The following CYP27C1 variants were observed in gnomAD, a reference collection of about 807,000 sequenced individuals.
The protein encoded by CYP27C1 is cytochrome P450 27C1.
CYP27C1 carries 29 observed loss-of-function variants against 40.6 expected under a neutral mutation model. The observed-to-expected ratio is 0.71, with a 90% CI of 0.53 to 0.97. CYP27C1 has a LOEUF of 0.97. CYP27C1 is among the 50% of genes least tolerant of loss of function. The probability of loss-of-function intolerance (pLI) is 0.00; values close to 1 mark genes in which losing one functional copy is unlikely to be tolerated. For missense variants in CYP27C1, 390 were observed against 485.8 expected (o/e 0.80, Z 1.85); for synonymous variants, 198 against 186.8 (o/e 1.06, Z -0.49).
At chr2:127,194,792 A>G (rs1682864250) in intron 6 of CYP27C1, among the ~76,000 whole-genome samples, 1 of 151,930 alleles carries the variant, frequency 6.6e-6, no homozygotes, top group Non-Finnish European at 1.5e-5. Context: ...CAGTAAGCCA[A>G]TTGGCTAAAG....
intron 8 of CYP27C1, among the ~76,000 whole-genome samples, chr2:127,190,604 T>A (rs1266747594): frequency 6.7e-6 from 1 of 149,888 alleles, no homozygotes; most frequent in Non-Finnish European, 1.5e-5. Context: ...CCTCCCAAAG[T>A]GCTGGGATTA....
Position 127,187,117 on chromosome 2 carries a change from G to T in CYP27C1, c.*154C>A. 1 of 676,246 alleles carries T rather than the reference G, an allele frequency of 1.5e-6. No individual in the cohort carries two copies. Among genetic ancestry groups the T allele is most frequent in the Non-Finnish European group, 2.6e-6 (1 of 380,458 alleles). The allele number at this position is 676,246 out of a possible 1,614,324, so 41.9% of individuals were successfully genotyped here. On this transcript the variant is annotated 3_prime_UTR_variant, in exon 9 of 9. Transcript: ENST00000664447. ...ACCTTTTTACATTACTTTGCATAAAGATTTACAAGTGTCCCAGGACCTGGG... is the reference window on the plus strand; with the variant it reads ...ACCTTTTTACATTACTTTGCATAAATATTTACAAGTGTCCCAGGACCTGGG...
intron 3 of CYP27C1, among the ~76,000 whole-genome samples, chr2:127,202,424 C>T (rs1683056547): frequency 6.6e-6 from 1 of 152,216 alleles, no homozygotes; most frequent in African/African-American, 2.4e-5. Context: ...CCGCACCCAG[C>T]CCCAAGATGC....
intron 1 of CYP27C1, among the ~76,000 whole-genome samples, chr2:127,216,803 G>C (rs990431083): frequency 5.9e-5 from 9 of 152,124 alleles, no homozygotes; most frequent in Non-Finnish European, 7.4e-5. Flanking sequence ...GACAGGGCTG[G>C]GCTGGGGAAA....
intron 1 of CYP27C1, among the ~76,000 whole-genome samples, chr2:127,211,385 T>G (rs201363028): frequency 0.055 from 3,358 of 61,342 alleles, 126 homozygotes; most frequent in African/African-American, 0.12. Context: ...TTTTTTTTTT[T>G]TTTTTTTTTT....
At position 127,220,041 on chromosome 2, in the gene CYP27C1, T is replaced by C. The variant is rs1270755911; in HGVS notation, c.230A>G (p.Asn77Ser). 6.6e-6 allele frequency: 1 copy of C among 151,764 alleles called. No homozygotes were observed. Among genetic ancestry groups the C allele is most frequent in the Admixed American group, 6.6e-5 (1 of 15,240 alleles). The allele number at this position is 151,764 out of a possible 1,614,324, so 9.4% of individuals were successfully genotyped here. Residue 77 changes from asparagine to serine, a missense_variant, in exon 1 of 9, where the codon AAC becomes AGC. Coordinates refer to ENST00000664447, the MANE Select transcript of CYP27C1 (RefSeq NM_001367502.1). This position sits in a 1 kb window ranked among gnomAD's most constrained non-coding sequence, Gnocchi z 4.6. The part of the protein sequence containing the change: ...AAMPGPRTLA[N>S]LAEFFCRDGF... ...GTCCCTGCAGAAGAACTCCGCCAGG[T>C]TGGCGAGGGTCCTCGGCCCCGGCAT...
chr2:127,207,724 C>T (rs1683257353), intron 1 of CYP27C1, among the ~76,000 whole-genome samples: 1 of 151,796 alleles, frequency 6.6e-6, no homozygotes, highest in Admixed American at 6.6e-5. Flanking sequence ...AAGTGTAAAA[C>T]CTATACTCTG....
At chr2:127,214,789 T>A (rs4556928) in intron 1 of CYP27C1, among the ~76,000 whole-genome samples, 2 of 99,086 alleles carry the variant, frequency 2.0e-5, no homozygotes, top group Admixed American at 9.6e-5. Context: ...TTTGTTTTTT[T>A]TTTTTTTTTT....
chr2:127,190,941 GAAAA>G (rs36094047), intron 8 of CYP27C1, among the ~76,000 whole-genome samples: 1 of 85,578 alleles, frequency 1.2e-5, no homozygotes, highest in African/African-American at 4.5e-5. Context: ...GTGAGACTCT[GAAAA>G]AAAAAAAAAA....
intron 8 of CYP27C1, among the ~76,000 whole-genome samples, chr2:127,190,279 T>C (rs1444845297): frequency 6.6e-6 from 1 of 150,914 alleles, no homozygotes; most frequent in Non-Finnish European, 1.5e-5. Context: ...AATAAACTCC[T>C]GTCTATACAG....
At chr2:127,211,678 C>T (rs1245428594) in intron 1 of CYP27C1, among the ~76,000 whole-genome samples, 1 of 151,974 alleles carries the variant, frequency 6.6e-6, no homozygotes, top group Non-Finnish European at 1.5e-5. Flanking sequence ...AGCCACTGCG[C>T]CCGGCCTAAA....
chr2:127,204,485 AAAGGAAGG>A (rs369842924), intron 2 of CYP27C1, among the ~76,000 whole-genome samples: 3,107 of 60,260 alleles, frequency 0.052, 374 homozygotes, highest in East Asian at 0.11. Context: ...AGAAAGAAAG[AAAGGAAGG>A]AAGGAAGGAA....
intron 8 of CYP27C1, among the ~76,000 whole-genome samples, chr2:127,187,788 C>G (rs917591127): frequency 2.0e-5 from 3 of 152,184 alleles, no homozygotes; most frequent in African/African-American, 7.2e-5. Context: ...CCTGCTGGTT[C>G]TGAAACTGCA....
chr2:127,202,779 A>G (rs1683067284), intron 3 of CYP27C1, among the ~76,000 whole-genome samples: 1 of 152,072 alleles, frequency 6.6e-6, no homozygotes, highest in Non-Finnish European at 1.5e-5. Context: ...AGTAATTAGG[A>G]ACATGGCTTC....
chr2:127,189,366 T>C (rs1682710878), intron 8 of CYP27C1, among the ~76,000 whole-genome samples: 1 of 152,018 alleles, frequency 6.6e-6, no homozygotes, highest in Non-Finnish European at 1.5e-5. Flanking sequence ...CGCCATTTAT[T>C]TGGTTAAGAA....
Position 127,204,485 on chromosome 2 carries a change from A to AAAGAAAGAAAGAAAGG in CYP27C1, c.474-915_474-914insCCTTTCTTTCTTTCTT, listed in dbSNP as rs1336827282. 1.8e-3 allele frequency among the ~76,000 whole-genome samples: 109 copies of AAAGAAAGAAAGAAAGG among 60,208 alleles called. 13 individuals carry two copies. The highest frequency in any genetic ancestry group is 5.3e-3 in the African/African-American group (78 of 14,756). The allele number at this position is 60,208 out of a possible 152,430, so 39.5% of individuals were successfully genotyped here. On this transcript the variant is annotated intron_variant, in intron 2 of 8. Coordinates refer to ENST00000664447, the MANE Select transcript of CYP27C1 (RefSeq NM_001367502.1). ...GAAAGAAAGAAAGAAAGAAAGAAAG[A>AAAGAAAGAAAGAAAGG]AAGGAAGGAAGGAAGGAAGGAAAGA...
chr2:127,201,687 G>A lies in CYP27C1; in HGVS notation c.674-356C>T, dbSNP rs1167454947. 7.2e-5 allele frequency among the ~76,000 whole-genome samples: 11 copies of A among 152,310 alleles called. No individual in the cohort carries two copies. The East Asian group carries it at 2.1e-3, about 29-fold the overall frequency. Reference sequence around the variant, plus strand: ...CAGGTCTGAAATGATGAGCCCTGGGGAGGGGACAATCACCGAGCGTGTCAC... The same window carrying A: ...CAGGTCTGAAATGATGAGCCCTGGGAAGGGGACAATCACCGAGCGTGTCAC... On this transcript the variant is annotated intron_variant, in intron 3 of 8. Coordinates refer to ENST00000664447, the MANE Select transcript of CYP27C1 (RefSeq NM_001367502.1). The surrounding 1 kb of genome is among the most constrained non-coding windows in gnomAD (Gnocchi z 6.0).
Position 127,208,077 on chromosome 2 carries a change from A to G in CYP27C1, c.283-1987T>C, listed in dbSNP as rs1683265303. Among the ~76,000 whole-genome samples the G allele has an allele frequency of 6.6e-6, 1 of 152,230 alleles. No homozygotes were observed. The highest frequency in any genetic ancestry group is 1.5e-5 in the Non-Finnish European group (1 of 68,042). ...CCCCCATTTTCCTGTTTCAAGACTTAGTATGGGAGAGGGGCCAAGATGGCC... is the reference window on the plus strand; with the variant it reads ...CCCCCATTTTCCTGTTTCAAGACTTGGTATGGGAGAGGGGCCAAGATGGCC... On this transcript the variant is annotated intron_variant, in intron 1 of 8. Transcript: ENST00000664447. The surrounding 1 kb of genome is among the most constrained non-coding windows in gnomAD (Gnocchi z 5.2).
rs888370808 is a variant in CYP27C1 at position 127,200,484 on chromosome 2, G to A, written c.883+638C>T. On this transcript the variant is annotated intron_variant, in intron 4 of 8. Transcript: ENST00000664447. The surrounding 1 kb of genome is among the most constrained non-coding windows in gnomAD (Gnocchi z 4.2). ...AATTGTCACATTCAAATGAATGTGCGTGGACCTGAAACTCTACATTTTAAG... is the reference window on the plus strand; with the variant it reads ...AATTGTCACATTCAAATGAATGTGCATGGACCTGAAACTCTACATTTTAAG... 1.3e-5 allele frequency among the ~76,000 whole-genome samples: 2 copies of A among 152,126 alleles called. No individual in the cohort carries two copies. Among genetic ancestry groups the A allele is most frequent in the African/African-American group, 2.4e-5 (1 of 41,432 alleles).
Sources: allele counts gnomAD v4.1 joint callset (sites outside exome capture counted in the v4.1 genomes callset), GRCh38; gene constraint gnomAD v4.1.1; non-coding constraint Gnocchi (gnomAD v3.1); transcripts MANE v1.5; gene names NCBI Gene and HGNC (gene_info 2026-07-23, HGNC 2026-07-21).